ATL2: variants seen among roughly 807,000 people sequenced by gnomAD.
The protein encoded by ATL2 is atlastin GTPase 2, also known as atlastin-2.
Under a neutral mutation model 73.9 loss-of-function variants are expected in ATL2, and 31 were observed. The ratio of observed to expected loss-of-function variants is 0.42; its 90% confidence interval spans 0.32 to 0.57. The LOEUF (loss-of-function observed/expected upper bound fraction) is 0.57, where lower values mean the gene tolerates loss of function less well. ATL2 is among the 20% of genes least tolerant of loss of function. The pLI is 0.14. For missense variants in ATL2, 738 were observed against 702.6 expected (o/e 1.05, Z -0.57); for synonymous variants, 291 against 237.5 (o/e 1.23, Z -2.07).
upstream of ATL2, among the ~76,000 whole-genome samples, chr2:38,377,549 C>T (rs144529027): frequency 7.2e-3 from 1,097 of 152,108 alleles, 15 homozygotes; most frequent in African/African-American, 0.025. Context: ...CTGCCGCCGC[C>T]GTCTCACACC....
At chr2:38,375,999 T>C (rs374209740) in intron 1 of ATL2, 4 of 1,259,646 alleles carry the variant, frequency 3.2e-6, no homozygotes, top group East Asian at 2.6e-5. Context: ...GTTAACATCA[T>C]ACCAAAATGC....
At chr2:38,358,084 T>C (rs1026280481) in intron 1 of ATL2, among the ~76,000 whole-genome samples, 1 of 152,164 alleles carries the variant, frequency 6.6e-6, no homozygotes, top group East Asian at 1.9e-4. Flanking sequence ...ACTGCATTAT[T>C]ATCAATCCAA....
chr2:38,326,397 C>T (rs1668664646), intron 2 of ATL2, among the ~76,000 whole-genome samples: 1 of 152,152 alleles, frequency 6.6e-6, no homozygotes, highest in African/African-American at 2.4e-5. Flanking sequence ...TCATGTCTGG[C>T]TTTCAGCAAA....
In ATL2 at chr2:38,315,331, A is replaced by G; in HGVS notation, c.607T>C (p.Tyr203His). 1 of 1,501,384 alleles carries G rather than the reference A, an allele frequency of 6.7e-7. No individual in the cohort carries two copies. The highest frequency in any genetic ancestry group is 8.8e-7 in the Non-Finnish European group (1 of 1,135,528). The allele number at this position is 1,501,384 out of a possible 1,614,324, so 93.0% of individuals were successfully genotyped here. The change falls in exon 5 of 13, where the codon TAT becomes CAT. Residue 203 changes from tyrosine (Y) to histidine (H), a missense_variant. Coordinates refer to ENST00000378954, the MANE Select transcript of ATL2 (RefSeq NM_001135673.4). ...TCTTGAATATTCTGAGACAGATTAT[A>G]TACCTGTTGAAACAAAATTTATTTT... is the stretch of plus-strand genomic sequence containing the variant. ...LSTMTSSVQVYNLSQNIQEDD... is the reference protein window; with the variant it reads ...LSTMTSSVQVHNLSQNIQEDD...
Position 38,310,415 on chromosome 2 carries a change from A to G in ATL2, c.837T>C (p.Asn279=). 6.2e-7 allele frequency: 1 copy of G among 1,607,510 alleles called. No homozygotes were observed. Among genetic ancestry groups the G allele is most frequent in the Non-Finnish European group, 8.5e-7 (1 of 1,177,364 alleles). ...AACAATTGTGTATGTGCTTCCTTACATTCTGAAGCTCTTCATGTTGATTTT... is the reference window on the plus strand; with the variant it reads ...AACAATTGTGTATGTGCTTCCTTACGTTCTGAAGCTCTTCATGTTGATTTT... ...VKQNQHEELQ[N]VRKHIHNCFS... The change falls in exon 8 of 13, where the codon AAT becomes AAC. Residue 279 remains asparagine (N), a synonymous_variant. Coordinates refer to ENST00000378954, the MANE Select transcript of ATL2 (RefSeq NM_001135673.4).
At chr2:38,368,354 G>A (rs1298170361) in intron 1 of ATL2, among the ~76,000 whole-genome samples, 4 of 148,902 alleles carry the variant, frequency 2.7e-5, no homozygotes, top group African/African-American at 9.9e-5. Context: ...CCAGGTTCAA[G>A]CGATTCTCCT....
intron 1 of ATL2, among the ~76,000 whole-genome samples, chr2:38,352,821 A>C (rs1437429268): frequency 1.3e-5 from 2 of 152,216 alleles, no homozygotes; most frequent in African/African-American, 4.8e-5. Flanking sequence ...ATCAAAGCCT[A>C]AATAAAACCA....
chr2:38,341,474 C>CA (rs1012331316), intron 2 of ATL2, among the ~76,000 whole-genome samples: 2 of 151,970 alleles, frequency 1.3e-5, no homozygotes, highest in East Asian at 1.9e-4. Context: ...CCCATCTTTA[C>CA]AAAAAATTTA....
At chr2:38,376,328 G>A (rs1314802236) in intron 1 of ATL2, 5 of 1,148,510 alleles carry the variant, frequency 4.4e-6, no homozygotes, top group Non-Finnish European at 5.8e-6. Flanking sequence ...GGGCGCTCCT[G>A]GTACACGTAC....
rs767898284 is a variant in ATL2 at position 38,358,508 on chromosome 2, G to A, written c.119-14996C>T. On this transcript the variant is annotated intron_variant, in intron 1 of 12. Transcript: ENST00000378954. ...ACGAGGTCAGGAGATCGAGACCACA[G>A]GGAAACCCCGTCTCTATTAAAAATA... 1.1e-4 allele frequency: 29 copies of A among 265,290 alleles called. 1 individual carries two copies. Among genetic ancestry groups the A allele is most frequent in the Admixed American group, 4.2e-5 (1 of 24,090 alleles). The allele number at this position is 265,290 out of a possible 1,614,324, so 16.4% of individuals were successfully genotyped here. A position where few individuals can be genotyped will look rare whatever the true frequency, so the allele number is the denominator to read the frequency against.
intron 2 of ATL2, among the ~76,000 whole-genome samples, chr2:38,338,439 C>G (rs1188550744): frequency 3.3e-5 from 5 of 152,026 alleles, no homozygotes; most frequent in Non-Finnish European, 5.9e-5. Context: ...GCACATATAG[C>G]CCCTGATTCT....
chr2:38,330,447 G>C (rs538096827), intron 2 of ATL2, among the ~76,000 whole-genome samples: 26 of 152,208 alleles, frequency 1.7e-4, no homozygotes, highest in African/African-American at 5.3e-4. Context: ...TCCCAGGTAA[G>C]AAAGAAAGAA....
rs1228846418 is a variant in ATL2 at position 38,332,453 on chromosome 2, AC to A, written c.363+10814del. Reference sequence around the variant, plus strand: ...ACTCCTGGGCTCAAGCAATCCTCCCACCTCGGCCTCCCAGAGTTCTGGGATT... The same window carrying A: ...ACTCCTGGGCTCAAGCAATCCTCCCACTCGGCCTCCCAGAGTTCTGGGATT... On this transcript the variant is annotated intron_variant, in intron 2 of 12. Coordinates refer to ENST00000378954, the MANE Select transcript of ATL2 (RefSeq NM_001135673.4). Among the ~76,000 whole-genome samples, 4 of 151,444 alleles carry A rather than the reference AC, an allele frequency of 2.6e-5. No homozygotes were observed. The East Asian group carries it at 5.8e-4, about 22-fold the overall frequency.
intron 2 of ATL2, among the ~76,000 whole-genome samples, chr2:38,337,676 AAT>A (rs1210900759): frequency 6.6e-6 from 1 of 151,892 alleles, no homozygotes; most frequent in African/African-American, 2.4e-5. Context: ...ACTTCAAAAT[AAT>A]ATATAAGGTG....
chr2:38,372,002 G>C (rs759682862), intron 1 of ATL2, among the ~76,000 whole-genome samples: 30 of 152,174 alleles, frequency 2.0e-4, no homozygotes, highest in Non-Finnish European at 3.7e-4. Context: ...CAGAACTCAA[G>C]TTAAAATGTT....
chr2:38,362,987 T>C (rs1386448673), intron 1 of ATL2, among the ~76,000 whole-genome samples: 1 of 152,220 alleles, frequency 6.6e-6, no homozygotes, highest in Non-Finnish European at 1.5e-5. Flanking sequence ...TAATTCACTG[T>C]ATGAAATAAT....
chr2:38,332,252 A>G (rs1264385339), intron 2 of ATL2, among the ~76,000 whole-genome samples: 6 of 152,172 alleles, frequency 3.9e-5, no homozygotes, highest in Non-Finnish European at 1.5e-5. Flanking sequence ...TCTCTCCCAG[A>G]CTGGAGTGCA....
chr2:38,325,683 C>CCAGT (rs1668584891), intron 2 of ATL2, among the ~76,000 whole-genome samples: 1 of 76,846 alleles, frequency 1.3e-5, no homozygotes, highest in Admixed American at 1.5e-4. Context: ...CACACACACA[C>CCAGT]ACACACACAC....
Position 38,298,153 on chromosome 2 carries a change from T to C in ATL2, c.1623A>G (p.Leu541=), listed in dbSNP as rs991760857. Residue 541 remains leucine (L), a synonymous_variant, in exon 12 of 13, where the codon CTA becomes CTG. Transcript: ENST00000378954. ...GTVIDQIAET[L]WEQVLKPLGD... is the part of the protein sequence containing the mutation. ...AAAGATAGATACCAACCTGTTCCCA[T>C]AGTGTTTCAGCAATCTGATCAATCA... 8 of 1,611,508 alleles carry C rather than the reference T, an allele frequency of 5.0e-6. No homozygotes were observed. The highest frequency in any genetic ancestry group is 1.6e-4 in the Middle Eastern group (1 of 6,066).
Sources: allele counts gnomAD v4.1 joint callset (sites outside exome capture counted in the v4.1 genomes callset), GRCh38; gene constraint gnomAD v4.1.1; transcripts MANE v1.5; gene names NCBI Gene and HGNC (gene_info 2026-07-23, HGNC 2026-07-21).